The following RALGAPA1 variants were observed in gnomAD, a reference collection of about 807,000 sequenced individuals.
The protein encoded by RALGAPA1 is Ral GTPase activating protein catalytic subunit alpha 1, also known as ral GTPase-activating protein subunit alpha-1.
RALGAPA1 carries 52 observed loss-of-function variants against 269.6 expected under a neutral mutation model. That is an observed-to-expected ratio of 0.19 (90% CI 0.15 to 0.24). The LOEUF (loss-of-function observed/expected upper bound fraction) is 0.24, where lower values mean the gene tolerates loss of function less well. Among genes scored for constraint, RALGAPA1 ranks in the 10% least tolerant of loss-of-function variants. The probability of loss-of-function intolerance (pLI) is 1.00; values close to 1 mark genes in which losing one functional copy is unlikely to be tolerated. For missense variants in RALGAPA1, 1,917 were observed against 3,013.9 expected (o/e 0.64, Z 8.52); for synonymous variants, 817 against 1,008.3 (o/e 0.81, Z 3.60).
intron 1 of RALGAPA1, among the ~76,000 whole-genome samples, chr14:35,789,576 A>T (rs1370363113): frequency 6.6e-6 from 1 of 151,730 alleles, no homozygotes; most frequent in East Asian, 1.9e-4. Flanking sequence ...TGGGTGACAG[A>T]GCAAGACCCT....
At chr14:35,624,126 C>T (rs2060831481) in intron 35 of RALGAPA1, among the ~76,000 whole-genome samples, 1 of 106,766 alleles carries the variant, frequency 9.4e-6, no homozygotes, top group South Asian at 3.2e-4. Flanking sequence ...ATCTAAATGA[C>T]TGAGGAAATG....
chr14:35,587,635 C>T (rs536359270), intron 37 of RALGAPA1, among the ~76,000 whole-genome samples: 25 of 151,734 alleles, frequency 1.6e-4, no homozygotes, highest in Admixed American at 3.9e-4. Flanking sequence ...AACCAAACAC[C>T]GCATGTTCTC....
At chr14:35,710,556 C>T (rs376321457) in intron 16 of RALGAPA1, among the ~76,000 whole-genome samples, 17 of 152,254 alleles carry the variant, frequency 1.1e-4, no homozygotes, top group African/African-American at 3.9e-4. Context: ...CTATGCCTGG[C>T]CAGAATTAAT....
intron 26 of RALGAPA1, among the ~76,000 whole-genome samples, chr14:35,666,179 C>T (rs1279742399): frequency 2.6e-5 from 4 of 151,962 alleles, no homozygotes; most frequent in Non-Finnish European, 4.4e-5. Context: ...TGCGTGCCAC[C>T]ACTACCAGAA....
intron 1 of RALGAPA1, among the ~76,000 whole-genome samples, chr14:35,778,369 C>A (rs976967028): frequency 6.6e-6 from 1 of 152,154 alleles, no homozygotes; most frequent in Non-Finnish European, 1.5e-5. Context: ...TTAGTGATGT[C>A]TTATCTATGT....
chr14:35,550,405 A>G (rs2054882520), intron 39 of RALGAPA1, among the ~76,000 whole-genome samples: 1 of 152,150 alleles, frequency 6.6e-6, no homozygotes, highest in South Asian at 2.1e-4. Context: ...ATTTTTCCCC[A>G]AAGTCCACTT....
At chr14:35,799,877 G>A (rs75186605) in intron 1 of RALGAPA1, among the ~76,000 whole-genome samples, 1 of 152,046 alleles carries the variant, frequency 6.6e-6, no homozygotes, top group Non-Finnish European at 1.5e-5. Context: ...AAAAACACAA[G>A]TAGATTTAAA....
chr14:35,737,146 A>ATGC (rs2071082041), intron 12 of RALGAPA1, among the ~76,000 whole-genome samples: 3 of 152,142 alleles, frequency 2.0e-5, no homozygotes, highest in African/African-American at 7.2e-5. Context: ...ATAAGAAAAG[A>ATGC]TGCTCAAATT....
chr14:35,549,107 T>C lies in RALGAPA1; in HGVS notation c.7621+3A>G, dbSNP rs762541291. On this transcript the variant is annotated splice_donor_region_variant and intron_variant, in intron 40 of 41. Transcript: ENST00000680220. The stretch of plus-strand genomic sequence containing the variant: ...AGTAACTAATACTCGCTTTTAATCT[T>C]ACCGGCATCAGATGGTAAATGGTGG... 1 of 1,611,164 alleles carries C rather than the reference T, an allele frequency of 6.2e-7. No individual in the cohort carries two copies. Among genetic ancestry groups the C allele is most frequent in the South Asian group, 1.1e-5 (1 of 90,952 alleles).
At chr14:35,770,492 T>C (rs1410759153) in intron 4 of RALGAPA1, among the ~76,000 whole-genome samples, 1 of 151,108 alleles carries the variant, frequency 6.6e-6, no homozygotes, top group East Asian at 1.9e-4. Flanking sequence ...CATTCACAGA[T>C]GATATAACCC....
chr14:35,667,100 C>T (rs1236436538), intron 26 of RALGAPA1, among the ~76,000 whole-genome samples: 1 of 152,114 alleles, frequency 6.6e-6, no homozygotes, highest in African/African-American at 2.4e-5. Context: ...TCTCTAACTA[C>T]TTTAAAAAAA....
chr14:35,701,697 A>T (rs2067365476), intron 16 of RALGAPA1, among the ~76,000 whole-genome samples: 1 of 152,012 alleles, frequency 6.6e-6, no homozygotes, highest in African/African-American at 2.4e-5. Flanking sequence ...GCGGGAGTAC[A>T]GTGGCATGAT....
intron 6 of RALGAPA1, among the ~76,000 whole-genome samples, chr14:35,758,617 A>C (rs1234921930): frequency 6.6e-6 from 1 of 152,204 alleles, no homozygotes; most frequent in Non-Finnish European, 1.5e-5. Flanking sequence ...GTGCATCTGC[A>C]GTCCCAGCTA....
intron 8 of RALGAPA1, 120 bp downstream of exon 8, chr14:35,751,904 T>C (rs1006121000): frequency 1.5e-6 from 2 of 1,378,382 alleles, no homozygotes; most frequent in Admixed American, 3.3e-5. Context: ...ATCATATCTA[T>C]ACCAACCAAT....
intron 1 of RALGAPA1, among the ~76,000 whole-genome samples, chr14:35,790,931 G>A (rs1053971774): frequency 3.9e-5 from 6 of 152,102 alleles, no homozygotes; most frequent in African/African-American, 1.4e-4. Context: ...AGTTAAAAGA[G>A]CAATTTCATT....
At chr14:35,715,503 G>T (rs1426151981) in intron 16 of RALGAPA1, among the ~76,000 whole-genome samples, 1 of 151,726 alleles carries the variant, frequency 6.6e-6, no homozygotes, top group African/African-American at 2.4e-5. Flanking sequence ...CAATATTAGG[G>T]ATTAAAATCT....
In RALGAPA1 at chr14:35,610,354, C is replaced by T. The variant is rs371841690; in HGVS notation, c.6930-4645G>A. The stretch of plus-strand genomic sequence containing the variant: ...CTGGAGTGCAGTGGTGTGATCTCTG[C>T]TCACTGCAAGCTCCGCCTCCCGGGT... On this transcript the variant is annotated intron_variant, in intron 35 of 41. Transcript: ENST00000680220. Among the ~76,000 whole-genome samples the T allele has an allele frequency of 8.0e-5, 12 of 150,902 alleles. No homozygotes were observed. The South Asian group carries it at 1.7e-3, about 21-fold the overall frequency.
intron 37 of RALGAPA1, among the ~76,000 whole-genome samples, chr14:35,586,994 A>C (rs1216533087): frequency 6.6e-6 from 1 of 152,092 alleles, no homozygotes; most frequent in Non-Finnish European, 1.5e-5. Context: ...GTTAGGGAGG[A>C]TTCCCTCTTT....
At chr14:35,781,521 A>G (rs1181041688) in intron 1 of RALGAPA1, among the ~76,000 whole-genome samples, 1 of 152,106 alleles carries the variant, frequency 6.6e-6, no homozygotes, top group Admixed American at 6.6e-5. Context: ...AATACAGACC[A>G]ATATCCTTTA....
Sources: gnomAD v4.1 joint callset for allele counts (sites outside exome capture counted in the v4.1 genomes callset) on GRCh38, gnomAD v4.1.1 for gene constraint, MANE v1.5 for transcripts, NCBI Gene and HGNC (gene_info 2026-07-23, HGNC 2026-07-21) for gene names.